ADAMTSL1: variants seen among roughly 807,000 people sequenced by gnomAD.
ADAMTSL1 encodes ADAMTS like 1.
Under a neutral mutation model 201.8 loss-of-function variants are expected in ADAMTSL1, and 126 were observed. The observed-to-expected ratio is 0.62, with a 90% CI of 0.54 to 0.72. The LOEUF is 0.72. Among genes scored for constraint, ADAMTSL1 ranks in the 30% least tolerant of loss-of-function variants. The pLI is 0.00. For missense variants in ADAMTSL1, 2,679 were observed against 2,277.8 expected (o/e 1.18, Z -3.59); for synonymous variants, 1,121 against 903.4 (o/e 1.24, Z -4.32).
intron 2 of ADAMTSL1, among the ~76,000 whole-genome samples, chr9:18,446,945 C>T (rs1820214619): frequency 6.7e-6 from 1 of 149,738 alleles, no homozygotes; most frequent in Non-Finnish European, 1.5e-5. Flanking sequence ...ATAAAACTTG[C>T]TTTAAAATTT....
chr9:18,657,021 G>A (rs776778), intron 7 of ADAMTSL1, among the ~76,000 whole-genome samples: 116,112 of 152,080 alleles, frequency 0.76, 44,413 homozygotes, highest in East Asian at 0.89. Flanking sequence ...TCGTTTTTAT[G>A]ACATAAATTT....
At chr9:18,628,402 G>C (rs1288045870) in intron 5 of ADAMTSL1, among the ~76,000 whole-genome samples, 1 of 152,118 alleles carries the variant, frequency 6.6e-6, no homozygotes, top group Admixed American at 6.6e-5. Context: ...CCGTTTCTCT[G>C]AGGGTCTGTT....
intron 2 of ADAMTSL1, among the ~76,000 whole-genome samples, chr9:18,279,314 T>TA (rs113529580): frequency 5.9e-4 from 89 of 150,410 alleles, no homozygotes; most frequent in Admixed American, 3.4e-3. Context: ...TATTTGGTTT[T>TA]AAAAAAAAAA....
At chr9:18,240,940 A>G (rs1831037563) in intron 2 of ADAMTSL1, among the ~76,000 whole-genome samples, 1 of 152,186 alleles carries the variant, frequency 6.6e-6, no homozygotes, top group East Asian at 1.9e-4. Context: ...ACTTCTGTCA[A>G]CATTCACAGA....
chr9:18,525,335 C>T (rs1188829413), intron 2 of ADAMTSL1, among the ~76,000 whole-genome samples: 1 of 152,036 alleles, frequency 6.6e-6, no homozygotes, highest in African/African-American at 2.4e-5. Context: ...TCTCTCTTTT[C>T]TTCTTTATTA....
Position 18,576,979 on chromosome 9 carries a change from A to G in ADAMTSL1, c.474+2713A>G, listed in dbSNP as rs147848589. ...AACTCCTATTCTTTCCAGCGAGGCC[A>G]GGTATACAGAGGCGCAGACCATTTG... On this transcript the variant is annotated intron_variant, in intron 4 of 28. Coordinates refer to ENST00000380548, the MANE Select transcript of ADAMTSL1 (RefSeq NM_001040272.6). Among the ~76,000 whole-genome samples, 6 of 152,216 alleles carry G rather than the reference A, an allele frequency of 3.9e-5. No individual in the cohort carries two copies. In the East Asian group the frequency reaches 1.2e-3, roughly 29 times the overall value.
intron 2 of ADAMTSL1, among the ~76,000 whole-genome samples, chr9:18,396,727 T>C (rs1417142981): frequency 6.6e-6 from 1 of 152,024 alleles, no homozygotes; most frequent in Non-Finnish European, 1.5e-5. Context: ...TGATCTCAAC[T>C]CTCAAGGTTT....
At chr9:18,072,599 T>C (rs1404364539) in intron 1 of ADAMTSL1, among the ~76,000 whole-genome samples, 1 of 152,242 alleles carries the variant, frequency 6.6e-6, no homozygotes, top group African/African-American at 2.4e-5. Context: ...TCACAAATAA[T>C]GTTCCTTAAA....
chr9:18,510,607 G>A (rs1173242149), intron 2 of ADAMTSL1, among the ~76,000 whole-genome samples: 1 of 151,978 alleles, frequency 6.6e-6, no homozygotes, highest in African/African-American at 2.4e-5. Context: ...TGCAACCCTG[G>A]TTTGAACAAC....
chr9:18,864,437 C>A (rs1563869408), intron 23 of ADAMTSL1, among the ~76,000 whole-genome samples: 1 of 152,182 alleles, frequency 6.6e-6, no homozygotes, highest in Non-Finnish European at 1.5e-5. Context: ...CAAGGAAGCC[C>A]ACAAATTAAG....
At chr9:18,646,208 A>T (rs1827800709) in intron 7 of ADAMTSL1, among the ~76,000 whole-genome samples, 1 of 151,942 alleles carries the variant, frequency 6.6e-6, no homozygotes, top group Non-Finnish European at 1.5e-5. Flanking sequence ...ATTGGTGTAT[A>T]AGAATGCTTG....
At chr9:18,807,136 G>T (rs527434420) in intron 20 of ADAMTSL1, among the ~76,000 whole-genome samples, 1 of 152,102 alleles carries the variant, frequency 6.6e-6, no homozygotes, top group Non-Finnish European at 1.5e-5. Flanking sequence ...AAATTGAAAC[G>T]CTTGCCTTTA....
intron 2 of ADAMTSL1, among the ~76,000 whole-genome samples, chr9:18,287,601 A>G (rs963311591): frequency 1.4e-5 from 1 of 70,114 alleles, no homozygotes; most frequent in Non-Finnish European, 3.0e-5. Context: ...ATACACACAT[A>G]TATGCATATA....
chr9:18,712,420 GA>G (rs1363256192), intron 14 of ADAMTSL1, among the ~76,000 whole-genome samples: 1 of 151,688 alleles, frequency 6.6e-6, no homozygotes, highest in East Asian at 1.9e-4. Flanking sequence ...TGATGGAGCT[GA>G]AAACCAAGGC....
chr9:17,987,585 G>C (rs905685052), intron 1 of ADAMTSL1, among the ~76,000 whole-genome samples: 1 of 152,038 alleles, frequency 6.6e-6, no homozygotes, highest in Non-Finnish European at 1.5e-5. Flanking sequence ...TTTTAAAAGG[G>C]CTGGGCAGGG....
chr9:18,442,117 A>G (rs1820017911), intron 2 of ADAMTSL1, among the ~76,000 whole-genome samples: 1 of 152,192 alleles, frequency 6.6e-6, no homozygotes, highest in Admixed American at 6.5e-5. Flanking sequence ...AACACTCTCC[A>G]TAGATGAAAT....
intron 16 of ADAMTSL1, among the ~76,000 whole-genome samples, chr9:18,768,592 G>A (rs1460372670): frequency 6.6e-6 from 1 of 151,190 alleles, no homozygotes; most frequent in African/African-American, 2.4e-5. Context: ...CTTTTTCCTA[G>A]GGGACTCAAT....
chr9:18,116,576 T>A (rs1183462595), intron 1 of ADAMTSL1, among the ~76,000 whole-genome samples: 1 of 152,178 alleles, frequency 6.6e-6, no homozygotes, highest in Non-Finnish European at 1.5e-5. Context: ...CAGCCAATAG[T>A]AGTTCTCCAA....
chr9:18,818,929 G>T (rs1228061223), intron 21 of ADAMTSL1, among the ~76,000 whole-genome samples: 1 of 152,088 alleles, frequency 6.6e-6, no homozygotes, highest in African/African-American at 2.4e-5. Context: ...AGTCCCTTCA[G>T]CCCCTGTACT....
Sources: allele counts gnomAD v4.1 joint callset (sites outside exome capture counted in the v4.1 genomes callset), GRCh38; gene constraint gnomAD v4.1.1; transcripts MANE v1.5; gene names NCBI Gene and HGNC (gene_info 2026-07-23, HGNC 2026-07-21).